Variants in LRFN2 observed in about 807,000 individuals in gnomAD.
The protein encoded by LRFN2 is leucine rich repeat and fibronectin type III domain containing 2.
A neutral mutation model predicts 37.3 loss-of-function variants in LRFN2; 18 were observed. The observed-to-expected ratio is 0.48, with a 90% CI of 0.33 to 0.72. The LOEUF (loss-of-function observed/expected upper bound fraction) is 0.72. LRFN2 is among the 30% of genes least tolerant of loss of function. The pLI is 0.02. For synonymous variants in LRFN2, 556 were observed against 466.6 expected (o/e 1.19, Z -2.47); for missense variants, 1,006 against 1,060.7 (o/e 0.95, Z 0.72).
At chr6:40,569,276 G>C (rs1273710207) in intron 1 of LRFN2, among the ~76,000 whole-genome samples, 5 of 152,174 alleles carry the variant, frequency 3.3e-5, no homozygotes. Flanking sequence ...TTCAAGGGAG[G>C]ACTGGCCTGG....
At chr6:40,521,603 G>A (rs1399979696) in intron 1 of LRFN2, among the ~76,000 whole-genome samples, 1 of 152,214 alleles carries the variant, frequency 6.6e-6, no homozygotes, top group Non-Finnish European at 1.5e-5. Context: ...TCACTAAACA[G>A]CAACAAGATG....
At chr6:40,513,749 AG>A (rs1765779070) in intron 1 of LRFN2, among the ~76,000 whole-genome samples, 1 of 152,162 alleles carries the variant, frequency 6.6e-6, no homozygotes, top group South Asian at 2.1e-4. Flanking sequence ...CTCTAGGGGA[AG>A]GGGTAGAGAT....
intron 2 of LRFN2, among the ~76,000 whole-genome samples, chr6:40,406,825 C>T (rs1762859050): frequency 6.6e-6 from 1 of 152,244 alleles, no homozygotes; most frequent in Admixed American, 6.5e-5. Context: ...TCCATTTCCT[C>T]CAACCATTTC....
At position 40,392,928 on chromosome 6, in the gene LRFN2, G is replaced by C; in HGVS notation, c.1401-16C>G. The C allele has an allele frequency of 6.4e-7, 1 of 1,561,488 alleles. No homozygotes were observed. The highest frequency in any genetic ancestry group is 8.7e-7 in the Non-Finnish European group (1 of 1,150,436). On this transcript the variant is annotated splice_polypyrimidine_tract_variant and intron_variant, in intron 2 of 2. Coordinates refer to ENST00000338305, the MANE Select transcript of LRFN2 (RefSeq NM_020737.3). The surrounding 1 kb of genome is among the most constrained non-coding windows in gnomAD (Gnocchi z 4.7). The stretch of plus-strand genomic sequence containing the variant: ...TGGGATCATCCTGGGGAGGGAGGTG[G>C]ACAGAAATAGTGAGGGGTGGTGGGG...
chr6:40,547,150 G>C (rs1766679319), intron 1 of LRFN2, among the ~76,000 whole-genome samples: 1 of 149,662 alleles, frequency 6.7e-6, no homozygotes. Context: ...TGTCACCCAG[G>C]CTAGAGTGCA....
chr6:40,562,549 A>T (rs1767018158), intron 1 of LRFN2, among the ~76,000 whole-genome samples: 1 of 152,036 alleles, frequency 6.6e-6, no homozygotes, highest in African/African-American at 2.4e-5. Flanking sequence ...AAACTGGGCC[A>T]TTTTGCCAGG....
rs146007949 is a variant in LRFN2, at chr6:40,404,221, G to A, written c.1401-11309C>T. Among the ~76,000 whole-genome samples, 47 of 152,016 alleles carry A rather than the reference G, an allele frequency of 3.1e-4. No individual in the cohort carries two copies. In the East Asian group the frequency reaches 8.9e-3, roughly 29 times the overall value. On this transcript the variant is annotated intron_variant, in intron 2 of 2. Coordinates refer to ENST00000338305, the MANE Select transcript of LRFN2 (RefSeq NM_020737.3). The stretch of plus-strand genomic sequence containing the variant: ...TGATTTATTATGATTACTGTTAATT[G>A]TCTTTCTCTCTGTCTACTAGAATGT...
intron 1 of LRFN2, among the ~76,000 whole-genome samples, chr6:40,482,889 G>A (rs937942360): frequency 1.3e-5 from 2 of 152,176 alleles, no homozygotes; most frequent in South Asian, 2.1e-4. Flanking sequence ...GGCCTGCCAA[G>A]GACTCCCGGA....
intron 1 of LRFN2, among the ~76,000 whole-genome samples, chr6:40,546,621 T>TCCCA (rs1766668660): frequency 6.6e-6 from 1 of 152,200 alleles, no homozygotes; most frequent in Non-Finnish European, 1.5e-5. Flanking sequence ...TGGATTCAAA[T>TCCCA]CCCAGCTCTA....
intron 1 of LRFN2, among the ~76,000 whole-genome samples, chr6:40,486,973 A>G (rs2113867197): frequency 6.6e-6 from 1 of 152,248 alleles, no homozygotes; most frequent in South Asian, 2.1e-4. Context: ...TATCTTCTGG[A>G]TGCAGAGTGA....
chr6:40,497,372 C>G (rs1392877551), intron 1 of LRFN2, among the ~76,000 whole-genome samples: 6 of 152,174 alleles, frequency 3.9e-5, no homozygotes, highest in Non-Finnish European at 8.8e-5. Flanking sequence ...CACCCAGGCT[C>G]TACATCGTCT....
intron 1 of LRFN2, among the ~76,000 whole-genome samples, chr6:40,533,594 C>T (rs1417077885): frequency 6.6e-6 from 1 of 152,190 alleles, no homozygotes; most frequent in African/African-American, 2.4e-5. Flanking sequence ...TCAGTCAGGT[C>T]AGCTCGCCTG....
chr6:40,487,358 C>T lies in LRFN2; in HGVS notation c.-18-54227G>A, dbSNP rs571299831. Among the ~76,000 whole-genome samples, 6 of 152,342 alleles carry T rather than the reference C, an allele frequency of 3.9e-5. No individual in the cohort carries two copies. The South Asian group carries it at 1.2e-3, about 32-fold the overall frequency. The stretch of plus-strand genomic sequence containing the variant: ...TGGCTTCACCTGAGCTCCAGACTCA[C>T]CATTTGACTCTCACTGACATCACCA... On this transcript the variant is annotated intron_variant, in intron 1 of 2. Transcript: ENST00000338305.
At chr6:40,494,881 C>A (rs1271816681) in intron 1 of LRFN2, among the ~76,000 whole-genome samples, 1 of 152,194 alleles carries the variant, frequency 6.6e-6, no homozygotes, top group Non-Finnish European at 1.5e-5. Flanking sequence ...TTACTCAGCC[C>A]AGAGTTCATA....
At chr6:40,565,256 C>A (rs1156681323) in intron 1 of LRFN2, among the ~76,000 whole-genome samples, 7 of 152,098 alleles carry the variant, frequency 4.6e-5, no homozygotes, top group African/African-American at 1.4e-4. Flanking sequence ...AATGGAAGAA[C>A]ATTCCATGCT....
At chr6:40,562,835 T>C (rs1737680) in intron 1 of LRFN2, among the ~76,000 whole-genome samples, 1 of 125,630 alleles carries the variant, frequency 8.0e-6, no homozygotes, top group South Asian at 2.6e-4. Context: ...GTGCACTCAC[T>C]CACACACACA....
chr6:40,453,331 C>G (rs1047408224), intron 1 of LRFN2, among the ~76,000 whole-genome samples: 1 of 152,098 alleles, frequency 6.6e-6, no homozygotes, highest in Non-Finnish European at 1.5e-5. Flanking sequence ...TGTGCATTGA[C>G]ATGGCACAAT....
intron 1 of LRFN2, among the ~76,000 whole-genome samples, chr6:40,527,600 T>A (rs896869665): frequency 6.6e-6 from 1 of 152,180 alleles, no homozygotes; most frequent in African/African-American, 2.4e-5. Context: ...GGAAGCTAGA[T>A]TTTAAATCAT....
chr6:40,487,305 A>AT (rs1165605829), intron 1 of LRFN2, among the ~76,000 whole-genome samples: 1 of 152,122 alleles, frequency 6.6e-6, no homozygotes, highest in Admixed American at 6.5e-5. Flanking sequence ...ATTTATGCCA[A>AT]TGAGCCCCAA....
Sources: allele counts gnomAD v4.1 joint callset (sites outside exome capture counted in the v4.1 genomes callset), GRCh38; gene constraint gnomAD v4.1.1; non-coding constraint Gnocchi (gnomAD v3.1); transcripts MANE v1.5; gene names NCBI Gene and HGNC (gene_info 2026-07-23, HGNC 2026-07-21).